Variants in NGEF observed in about 807,000 individuals in gnomAD.
The protein encoded by NGEF is ephexin-1.
NGEF carries 31 observed loss-of-function variants against 80.9 expected under a neutral mutation model. The ratio of observed to expected loss-of-function variants is 0.38; its 90% CI spans 0.29 to 0.52. NGEF has a LOEUF of 0.52. Ranked by LOEUF, NGEF falls within the 20% of genes least tolerant of loss-of-function variation. The probability of loss-of-function intolerance (pLI) is 0.84; values close to 1 mark genes in which losing one functional copy is unlikely to be tolerated. For synonymous variants in NGEF, 371 were observed against 370.2 expected (o/e 1.00, Z -0.03); for missense variants, 709 against 926.2 (o/e 0.77, Z 3.04).
chr2:232,896,682 AGGGATG>A (rs1559197151), intron 5 of NGEF, among the ~76,000 whole-genome samples: 14 of 13,400 alleles, frequency 1.0e-3, no homozygotes, highest in East Asian at 3.1e-3. Flanking sequence ...GGGTGGGGGT[AGGGATG>A]GGGGTGGGGG....
chr2:232,905,076 CT>C (rs1313597456), intron 5 of NGEF, among the ~76,000 whole-genome samples: 1 of 152,022 alleles, frequency 6.6e-6, no homozygotes, highest in African/African-American at 2.4e-5. Context: ...CTCCTCTCCC[CT>C]CTCCCCTCTC....
rs576681258 is a variant in NGEF, at chr2:232,883,544, G to A, written c.1602-78C>T. On this transcript the variant is annotated intron_variant, in intron 11 of 14. Coordinates refer to ENST00000264051, the MANE Select transcript of NGEF (RefSeq NM_019850.3). Reference sequence around the variant, plus strand: ...GTCCCAGGAGAGCCCCACTTGGCAGGCCAACAAGCCTGGCTCCACAGCGCT... The same window carrying A: ...GTCCCAGGAGAGCCCCACTTGGCAGACCAACAAGCCTGGCTCCACAGCGCT... 7.3e-5 allele frequency: 100 copies of A among 1,367,778 alleles called. No homozygotes were observed. The African/African-American group carries it at 1.3e-3, about 18-fold the overall frequency. 84.7% of individuals were successfully genotyped at this position (1,367,778 alleles called of 1,614,324 possible).
intron 3 of NGEF, among the ~76,000 whole-genome samples, chr2:232,956,671 G>T (rs1693839421): frequency 3.3e-5 from 5 of 151,694 alleles, no homozygotes; most frequent in Admixed American, 3.3e-4. Flanking sequence ...GGAGGCTGAG[G>T]CAGGAGAATT....
chr2:233,003,984 A>T (rs1278205007), intron 1 of NGEF, among the ~76,000 whole-genome samples: 3 of 151,792 alleles, frequency 2.0e-5, no homozygotes, highest in African/African-American at 2.4e-5. Context: ...GAGTTTTCTG[A>T]CCTCCTTGCC....
chr2:232,898,956 ATG>A (rs753816493), intron 5 of NGEF, among the ~76,000 whole-genome samples: 23 of 151,586 alleles, frequency 1.5e-4, no homozygotes, highest in Middle Eastern at 3.4e-3. Context: ...ATGTAAGTGA[ATG>A]TGTGTGTGAA....
intron 3 of NGEF, among the ~76,000 whole-genome samples, chr2:232,962,337 G>A (rs571806163): frequency 3.3e-5 from 5 of 152,322 alleles, no homozygotes; most frequent in Admixed American, 2.0e-4. Context: ...AGGCGTTCAA[G>A]ACCAGCCTGG....
At chr2:232,952,782 A>G (rs895225658) in intron 3 of NGEF, among the ~76,000 whole-genome samples, 3 of 151,330 alleles carry the variant, frequency 2.0e-5, no homozygotes, top group Non-Finnish European at 2.9e-5. Flanking sequence ...AGCCTGGCCA[A>G]TATGGTGAGA....
chr2:232,893,885 G>T (rs1691970497), intron 6 of NGEF, among the ~76,000 whole-genome samples: 1 of 152,222 alleles, frequency 6.6e-6, no homozygotes, highest in African/African-American at 2.4e-5. Flanking sequence ...TGCCACGAAG[G>T]GGTGAGGGGG....
At chr2:232,967,966 G>A (rs1397062700) in intron 3 of NGEF, among the ~76,000 whole-genome samples, 1 of 152,172 alleles carries the variant, frequency 6.6e-6, no homozygotes, top group African/African-American at 2.4e-5. Context: ...TTATCATAGT[G>A]TGGCTTACAA....
At chr2:232,997,762 T>G (rs72980037) in intron 1 of NGEF, among the ~76,000 whole-genome samples, 1 of 152,024 alleles carries the variant, frequency 6.6e-6, no homozygotes, top group Non-Finnish European at 1.5e-5. Context: ...TCTGTCCTTT[T>G]CCTCTGTTGG....
intron 3 of NGEF, chr2:232,927,905 T>G: frequency 7.6e-7 from 1 of 1,312,258 alleles, no homozygotes; most frequent in Non-Finnish European, 9.7e-7. Flanking sequence ...GCCGGGCAGG[T>G]GTCCCGCCGC....
chr2:232,909,323 T>G (rs1692643906), intron 5 of NGEF, among the ~76,000 whole-genome samples: 1 of 152,200 alleles, frequency 6.6e-6, no homozygotes. Context: ...CAGTATGAAA[T>G]TTTGGCCCCA....
At chr2:232,895,559 G>A (rs1255958681) in intron 5 of NGEF, among the ~76,000 whole-genome samples, 1 of 151,114 alleles carries the variant, frequency 6.6e-6, no homozygotes, top group African/African-American at 2.4e-5. Flanking sequence ...CCACACACCT[G>A]AGCCCGCACA....
chr2:232,962,183 T>C (rs1336538099), intron 3 of NGEF, among the ~76,000 whole-genome samples: 7 of 152,220 alleles, frequency 4.6e-5, no homozygotes, highest in Non-Finnish European at 8.8e-5. Context: ...AGCACTATGA[T>C]TGAAGTCCTT....
rs151091176 is a variant in NGEF at position 232,983,756 on chromosome 2, C to T, written c.-74-8792G>A. Among the ~76,000 whole-genome samples, 573 of 152,260 alleles carry T rather than the reference C, an allele frequency of 3.8e-3. 5 individuals are homozygous for T. The highest frequency in any genetic ancestry group is 0.013 in the African/African-American group (522 of 41,542). ...AACCTGGAAGGTTAAGTATGAATTA[C>T]AGGAACAACTCATTGAATACCAGTT... On this transcript the variant is annotated intron_variant, in intron 1 of 14. Transcript: ENST00000264051.
At chr2:232,881,832 C>G (rs1320906478) in intron 13 of NGEF, among the ~76,000 whole-genome samples, 1 of 152,200 alleles carries the variant, frequency 6.6e-6, no homozygotes. Context: ...CCGCCTCGGC[C>G]TCCCAAAATT....
At chr2:232,928,537 C>T (rs867731556) in intron 3 of NGEF, among the ~76,000 whole-genome samples, 13 of 152,218 alleles carry the variant, frequency 8.5e-5, no homozygotes, top group African/African-American at 3.1e-4. Context: ...GGTCGCAGCT[C>T]GGCGACCCGC....
rs527865915 is a variant in NGEF, at chr2:232,902,543, TCACA to T, written c.829-7631_829-7628del. Among the ~76,000 whole-genome samples, 10 of 152,282 alleles carry T rather than the reference TCACA, an allele frequency of 6.6e-5. No homozygotes were observed. The East Asian group carries it at 1.9e-3, about 29-fold the overall frequency. ...GGGGCCCAAACCCAAGCCTCGGCAC[TCACA>T]CACATCACAAATGCCAATTACTACG... On this transcript the variant is annotated intron_variant, in intron 5 of 14. Coordinates refer to ENST00000264051, the MANE Select transcript of NGEF (RefSeq NM_019850.3).
At chr2:232,899,859 CTCACAG>C (rs1244921039) in intron 5 of NGEF, among the ~76,000 whole-genome samples, 3 of 150,166 alleles carry the variant, frequency 2.0e-5, no homozygotes, top group Non-Finnish European at 3.0e-5. Flanking sequence ...CACACACGCT[CTCACAG>C]TCACTCATAT....
Sources: gnomAD v4.1 joint callset for allele counts (sites outside exome capture counted in the v4.1 genomes callset) on GRCh38, gnomAD v4.1.1 for gene constraint, MANE v1.5 for transcripts, NCBI Gene and HGNC (gene_info 2026-07-23, HGNC 2026-07-21) for gene names.